Variants in LPA observed in about 807,000 individuals in gnomAD.
LPA encodes the protein lipoprotein(a).
LPA carries 199 observed loss-of-function variants against 197.9 expected under a neutral mutation model. The observed-to-expected ratio is 1.01, with a 90% CI of 0.90 to 1.13. LPA has a LOEUF of 1.13. Ranked by LOEUF, LPA falls within the 50% of genes most tolerant of loss-of-function variation. The probability of loss-of-function intolerance (pLI) is 0.00; values close to 1 mark genes in which losing one functional copy is unlikely to be tolerated. For synonymous variants in LPA, 715 were observed against 639.5 expected, an observed-to-expected ratio of 1.12 and a Z score of -1.78; for missense variants, 1,853 against 1,785.8, an observed-to-expected ratio of 1.04 and a Z score of -0.68.
At chr6:160,575,530 G>A (rs1778639590) in intron 28 of LPA, among the ~76,000 whole-genome samples, 1 of 152,186 alleles carries the variant, frequency 6.6e-6, no homozygotes, top group South Asian at 2.1e-4. Context: ...ACTAATTTAT[G>A]TTGAGAGGAT....
At chr6:160,606,985 T>G (rs1325165353) in intron 16 of LPA, among the ~76,000 whole-genome samples, 1 of 152,160 alleles carries the variant, frequency 6.6e-6, no homozygotes, top group Non-Finnish European at 1.5e-5. Context: ...CTGGAATAAC[T>G]GGTATGGATT....
At chr6:160,566,612 T>C (rs929302572) in intron 28 of LPA, among the ~76,000 whole-genome samples, 1 of 152,152 alleles carries the variant, frequency 6.6e-6, no homozygotes, top group African/African-American at 2.4e-5. Context: ...GCGAACATCA[T>C]GATGACAGGA....
At chr6:160,607,445 C>T (rs1416391307) in intron 16 of LPA, among the ~76,000 whole-genome samples, 2 of 152,122 alleles carry the variant, frequency 1.3e-5, no homozygotes, top group Non-Finnish European at 2.9e-5. Context: ...GTTGAAAGAA[C>T]AGTGGGACCC....
intron 32 of LPA, among the ~76,000 whole-genome samples, chr6:160,547,167 T>G (rs1480664057): frequency 6.6e-6 from 1 of 152,180 alleles, no homozygotes; most frequent in African/African-American, 2.4e-5. Flanking sequence ...TAAATGTGCA[T>G]CTCACCATAA....
chr6:160,606,294 G>C (rs534690019), intron 17 of LPA, among the ~76,000 whole-genome samples, 183 bp downstream of exon 17: 1 of 152,130 alleles, frequency 6.6e-6, no homozygotes, highest in Non-Finnish European at 1.5e-5. Flanking sequence ...CCCACCCAAC[G>C]TTGTACCAGA....
chr6:160,559,710 G>GT (rs1262954634), intron 28 of LPA, among the ~76,000 whole-genome samples: 1 of 152,160 alleles, frequency 6.6e-6, no homozygotes, highest in Non-Finnish European at 1.5e-5. Context: ...TTTACTTTAA[G>GT]TTTATGTGAG....
At position 160,650,474 on chromosome 6, in the gene LPA, C is replaced by T. The variant is rs1779984391; in HGVS notation, c.73G>A (p.Val25Ile). The change falls in exon 2 of 39, where the codon GTC (valine) becomes ATC (isoleucine). Residue 25 changes from valine (V) to isoleucine (I), a missense_variant. Coordinates refer to ENST00000316300, the MANE Select transcript of LPA (RefSeq NM_005577.4). ...KSAAPEQSHV[V>I]QDCYHGDGQS... is the part of the protein sequence containing the mutation. ...CCATCACCATGGTAGCAATCCTGGA[C>T]CACATGGCTTTGCTCAGGTGCTGCT... The T allele has an allele frequency of 1.2e-6, 2 of 1,613,706 alleles. No homozygotes were observed. Among genetic ancestry groups the T allele is most frequent in the Non-Finnish European group, 8.5e-7 (1 of 1,179,722 alleles).
rs1777806580 is a variant in LPA at position 160,531,573 on chromosome 6, T to C, written c.*156A>G. On this transcript the variant is annotated 3_prime_UTR_variant, in exon 39 of 39. Transcript: ENST00000316300. The stretch of plus-strand genomic sequence containing the variant: ...ATTTGTCAGTCAGACCTTAAAAGCT[T>C]ATACACAAAAATACCAAAAATGCCA... The C allele has an allele frequency of 2.2e-6, 2 of 918,342 alleles. No individual in the cohort carries two copies. Among genetic ancestry groups the C allele is most frequent in the East Asian group, 5.2e-5 (2 of 38,236 alleles). The allele number at this position is 918,342 out of a possible 1,614,324, so 56.9% of individuals were successfully genotyped here.
Position 160,606,591 on chromosome 6 carries a change from G to A in LPA, c.2671C>T (p.Pro891Ser). Residue 891 changes from proline (P) to serine (S), a missense_variant, in exon 17 of 39, where the codon CCC becomes TCC. Transcript: ENST00000316300. ...TTGCAGTACTCCCACCTGACACTGG[G>A]ATCCCTCGTATAACAATAAGGGGCT... ...VAAPYCYTRD[P>S]SVRWEYCNLT... is the part of the protein sequence containing the mutation. 6.2e-7 allele frequency: 1 copy of A among 1,613,906 alleles called. No individual in the cohort carries two copies. Among genetic ancestry groups the A allele is most frequent in the South Asian group, 1.1e-5 (1 of 91,064 alleles).
At chr6:160,558,081 G>GCA (rs1778298036) in intron 28 of LPA, among the ~76,000 whole-genome samples, 1 of 152,092 alleles carries the variant, frequency 6.6e-6, no homozygotes, top group Non-Finnish European at 1.5e-5. Flanking sequence ...CACCACGCCT[G>GCA]GCTAATTTTT....
intron 18 of LPA, among the ~76,000 whole-genome samples, chr6:160,601,457 G>T (rs1779241229): frequency 6.6e-6 from 1 of 152,110 alleles, no homozygotes; most frequent in Non-Finnish European, 1.5e-5. Context: ...TTGTGGAATT[G>T]GTTATGCACA....
intron 30 of LPA, among the ~76,000 whole-genome samples, chr6:160,553,559 A>G (rs1477664467): frequency 6.6e-6 from 1 of 152,170 alleles, no homozygotes; most frequent in Admixed American, 6.5e-5. Flanking sequence ...TCCAAGGAGA[A>G]GGCATCGGTC....
At chr6:160,578,418 G>A in intron 27 of LPA, 105 bp downstream of exon 27, 1 of 1,413,616 alleles carries the variant, frequency 7.1e-7, no homozygotes, top group Non-Finnish European at 9.9e-7. Flanking sequence ...CCACATTGCA[G>A]ACCCTCAACC....
chr6:160,587,791 G>C (rs1280101238), intron 24 of LPA, among the ~76,000 whole-genome samples: 1,454 of 125,424 alleles, frequency 0.012, 25 homozygotes, highest in African/African-American at 0.043. Context: ...GTGTGTGTGT[G>C]TGTGTGTGTT....
At chr6:160,592,237 GTGTC>G (rs41272058) in intron 22 of LPA, among the ~76,000 whole-genome samples, 26,924 of 151,940 alleles carry the variant, frequency 0.18, 2,833 homozygotes, top group East Asian at 0.4. Flanking sequence ...ATGTGTATTT[GTGTC>G]TGTCTGTCTG....
rs764672788 is a variant in LPA, at chr6:160,606,604, A to C, written c.2658T>G (p.Cys886Trp). 1 of 1,613,986 alleles carries C rather than the reference A, an allele frequency of 6.2e-7. No individual in the cohort carries two copies. The highest frequency in any genetic ancestry group is 1.7e-5 in the Admixed American group (1 of 60,020). The change falls in exon 17 of 39, where the codon TGT becomes TGG. Residue 886 changes from cysteine to tryptophan, a missense_variant. Transcript: ENST00000316300. ...RNPDPVAAPY[C>W]YTRDPSVRWE... ...ACCTGACACTGGGATCCCTCGTATA[A>C]CAATAAGGGGCTGCCACAGGATCTG... is the stretch of plus-strand genomic sequence containing the variant.
At chr6:160,557,265 C>A (rs941882006) in intron 29 of LPA, 125 bp downstream of exon 29, 6 of 1,183,334 alleles carry the variant, frequency 5.1e-6, no homozygotes, top group Non-Finnish European at 6.2e-6. Flanking sequence ...AGTGCTGAGG[C>A]TTCTTTCCAC....
At chr6:160,541,716 G>A (rs766700183) in intron 34 of LPA, among the ~76,000 whole-genome samples, 22 of 152,186 alleles carry the variant, frequency 1.4e-4, no homozygotes, top group Non-Finnish European at 2.9e-4. Context: ...GAATAATGGT[G>A]TGAGCCACTT....
chr6:160,661,263 T>G (rs1780221535), intron 1 of LPA, among the ~76,000 whole-genome samples: 1 of 152,294 alleles, frequency 6.6e-6, no homozygotes, highest in Admixed American at 6.5e-5. Flanking sequence ...CTTTGAGGGG[T>G]GTGGTGGGGG....
Sources: allele counts gnomAD v4.1 joint callset (sites outside exome capture counted in the v4.1 genomes callset), GRCh38; gene constraint gnomAD v4.1.1; transcripts MANE v1.5; gene names NCBI Gene and HGNC (gene_info 2026-07-23, HGNC 2026-07-21).